Variants in PDE8B observed in about 807,000 individuals in gnomAD.
The protein encoded by PDE8B is high affinity cAMP-specific and IBMX-insensitive 3',5'-cyclic phosphodiesterase 8B.
PDE8B carries 26 observed loss-of-function variants against 101.3 expected under a neutral mutation model. That is an observed-to-expected ratio of 0.26 (90% CI 0.19 to 0.36). The LOEUF (loss-of-function observed/expected upper bound fraction) is 0.36. Ranked by LOEUF, PDE8B falls within the 10% of genes least tolerant of loss-of-function variation. The pLI is 1.00. For missense variants in PDE8B, 810 were observed against 1,163.1 expected, an observed-to-expected ratio of 0.70 and a Z score of 4.42; for synonymous variants, 424 against 429.3, an observed-to-expected ratio of 0.99 and a Z score of 0.15.
At chr5:77,404,566 G>C (rs1382408374) in intron 11 of PDE8B, among the ~76,000 whole-genome samples, 154 bp from the exon 12 acceptor site, 1 of 152,008 alleles carries the variant, frequency 6.6e-6, no homozygotes, top group African/African-American at 2.4e-5. Context: ...TTCATGATTT[G>C]AAAAGAAAGT....
chr5:77,268,232 T>C (rs1269280956), intron 1 of PDE8B, among the ~76,000 whole-genome samples: 2 of 152,156 alleles, frequency 1.3e-5, no homozygotes, highest in Non-Finnish European at 2.9e-5. Context: ...TTTTAATTTT[T>C]GTGGGTATAT....
chr5:77,269,071 T>A (rs1359321477), intron 1 of PDE8B, among the ~76,000 whole-genome samples: 1 of 152,028 alleles, frequency 6.6e-6, no homozygotes, highest in Non-Finnish European at 1.5e-5. Flanking sequence ...GTGGTTGTAC[T>A]GTAATAATTT....
chr5:77,169,704 A>T, the PDE8B span, among the ~76,000 whole-genome samples: 1 of 152,202 alleles, frequency 6.6e-6, no homozygotes, highest in Non-Finnish European at 1.5e-5. Flanking sequence ...CCTGACCCTC[A>T]TCCCCATCCT....
chr5:77,279,297 T>G lies in PDE8B; in HGVS notation c.340-32697T>G, dbSNP rs1764481835. On this transcript the variant is annotated intron_variant, in intron 1 of 21. Transcript: ENST00000264917. Reference sequence around the variant, plus strand: ...TGGGCATGACTTGAACAAAAGTTGCTATTCTTAAGTAAATTACTTTTATTT... The same window carrying G: ...TGGGCATGACTTGAACAAAAGTTGCGATTCTTAAGTAAATTACTTTTATTT... Among the ~76,000 whole-genome samples the G allele has an allele frequency of 3.3e-5, 5 of 152,232 alleles. 1 individual carries two copies. The highest frequency in any genetic ancestry group is 3.3e-4 in the Admixed American group (5 of 15,286).
rs531282956 is a variant in PDE8B at position 77,231,345 on chromosome 5, T to C, written c.339+20081T>C. ...ACTTCCCCTTTCTACTTTTCAGTTCTTTTTGCTTTTTACTTGGATTAAACA... is the reference window on the plus strand; with the variant it reads ...ACTTCCCCTTTCTACTTTTCAGTTCCTTTTGCTTTTTACTTGGATTAAACA... On this transcript the variant is annotated intron_variant, in intron 1 of 21. Coordinates refer to ENST00000264917, the MANE Select transcript of PDE8B (RefSeq NM_003719.5). Among the ~76,000 whole-genome samples, 85 of 152,318 alleles carry C rather than the reference T, an allele frequency of 5.6e-4. 1 individual carries two copies. The highest frequency in any genetic ancestry group is 3.4e-3 in the Middle Eastern group (1 of 294).
intron 1 of PDE8B, among the ~76,000 whole-genome samples, chr5:77,247,508 G>A (rs547515546): frequency 6.6e-6 from 1 of 152,298 alleles, no homozygotes; most frequent in Non-Finnish European, 1.5e-5. Flanking sequence ...ATGCCCTGCG[G>A]TGACCCTGTG....
intron 1 of PDE8B, among the ~76,000 whole-genome samples, chr5:77,297,517 ATGC>A (rs1418901303): frequency 6.6e-6 from 1 of 152,140 alleles, no homozygotes; most frequent in East Asian, 1.9e-4. Flanking sequence ...TGTGATGCTG[ATGC>A]TGCTGGTTCA....
the PDE8B span, among the ~76,000 whole-genome samples, chr5:77,143,401 C>T: frequency 5.3e-5 from 8 of 152,150 alleles, no homozygotes; most frequent in Admixed American, 2.6e-4. Context: ...ACCTGTTATA[C>T]GCCAGGGATT....
At chr5:77,199,921 A>G in the PDE8B span, among the ~76,000 whole-genome samples, 2 of 152,120 alleles carry the variant, frequency 1.3e-5, no homozygotes. Flanking sequence ...TTGAATTTAC[A>G]CTATCTCCCC....
chr5:77,397,908 AC>A (rs540976014), intron 10 of PDE8B, among the ~76,000 whole-genome samples: 2 of 149,742 alleles, frequency 1.3e-5, no homozygotes, highest in South Asian at 4.3e-4. Flanking sequence ...TCTGTACCCC[AC>A]CCCCCGCCTC....
intron 7 of PDE8B, among the ~76,000 whole-genome samples, chr5:77,347,907 G>A (rs1397106461): frequency 6.6e-6 from 1 of 152,190 alleles, no homozygotes; most frequent in East Asian, 1.9e-4. Context: ...GGCTGGCTTT[G>A]TGAGCAGGGG....
At chr5:77,326,775 A>C (rs924613191) in intron 3 of PDE8B, among the ~76,000 whole-genome samples, 2 of 152,100 alleles carry the variant, frequency 1.3e-5, no homozygotes, top group African/African-American at 4.8e-5. Flanking sequence ...AAAACTAAGT[A>C]TTTCTGATTT....
chr5:77,399,502 T>G (rs4704417), intron 10 of PDE8B, among the ~76,000 whole-genome samples: 70,921 of 152,098 alleles, frequency 0.47, 17,497 homozygotes, highest in East Asian at 0.69. Context: ...GAAAGTAGGT[T>G]GATTTAGCAG....
chr5:77,221,534 G>A (rs1258081549), intron 1 of PDE8B, among the ~76,000 whole-genome samples: 1 of 152,150 alleles, frequency 6.6e-6, no homozygotes, highest in East Asian at 1.9e-4. Flanking sequence ...AGGATGTTTG[G>A]TTGTCTCTTT....
intron 1 of PDE8B, among the ~76,000 whole-genome samples, chr5:77,270,650 G>A (rs1290601647): frequency 2.0e-5 from 3 of 152,192 alleles, no homozygotes; most frequent in Non-Finnish European, 2.9e-5. Flanking sequence ...TACCTAGGGG[G>A]CATGTGTGCA....
the PDE8B span, among the ~76,000 whole-genome samples, chr5:77,090,769 GTA>G: frequency 6.6e-6 from 1 of 152,108 alleles, no homozygotes; most frequent in Admixed American, 6.5e-5. Flanking sequence ...GTGTGTGTGT[GTA>G]TGTGTGAATA....
In PDE8B at chr5:77,353,418, G is replaced by A. The variant is rs1434395839; in HGVS notation, c.1167+12G>A. ...ACAATAATAAGCAGGTATGGTATTA[G>A]CTCACTTCGTTTGCTCTGTCTGTTT... On this transcript the variant is annotated intron_variant, in intron 10 of 21. Transcript: ENST00000264917. 3 of 1,556,954 alleles carry A rather than the reference G, an allele frequency of 1.9e-6. No homozygotes were observed.
chr5:77,102,182 A>T, the PDE8B span, among the ~76,000 whole-genome samples: 1 of 152,188 alleles, frequency 6.6e-6, no homozygotes, highest in South Asian at 2.1e-4. Flanking sequence ...CGTGCTGGCC[A>T]GGCCCCAGAT....
intron 2 of PDE8B, among the ~76,000 whole-genome samples, 153 bp from the exon 3 acceptor site, chr5:77,325,386 T>A (rs189469212): frequency 6.6e-6 from 1 of 152,272 alleles, no homozygotes; most frequent in East Asian, 1.9e-4. Context: ...CCCTGGCTGG[T>A]CTTGAACACC....
Sources: allele counts gnomAD v4.1 joint callset (sites outside exome capture counted in the v4.1 genomes callset), GRCh38; gene constraint gnomAD v4.1.1; transcripts MANE v1.5; gene names NCBI Gene and HGNC (gene_info 2026-07-23, HGNC 2026-07-21).